TAS2R1: variants seen among roughly 807,000 people sequenced by gnomAD.
The protein encoded by TAS2R1 is taste 2 receptor member 1.
For synonymous variants in TAS2R1, 141 were observed against 134.2 expected (o/e 1.05, Z -0.35); for missense variants, 370 against 353.4 (o/e 1.05, Z -0.38).
chr5:9,707,186 G>A (rs1458493745), intron 1 of TAS2R1, among the ~76,000 whole-genome samples: 4 of 152,084 alleles, frequency 2.6e-5, no homozygotes, highest in East Asian at 1.9e-4. Context: ...CTGAAGGCTC[G>A]GGAAGGATTC....
the TAS2R1 span, among the ~76,000 whole-genome samples, chr5:9,794,196 A>C: frequency 7.7e-4 from 117 of 152,292 alleles, no homozygotes; most frequent in African/African-American, 2.6e-3. Flanking sequence ...TTGGGTTTTA[A>C]AATTTTTTAG....
the TAS2R1 span, among the ~76,000 whole-genome samples, chr5:9,824,175 C>A: frequency 6.6e-6 from 1 of 152,226 alleles, no homozygotes; most frequent in Non-Finnish European, 1.5e-5. Flanking sequence ...GCGCCTGACT[C>A]CCCTTAGTCA....
In TAS2R1 at chr5:9,629,727, G is replaced by A. The variant is rs553576885; in HGVS notation, c.306C>T (p.Phe102=). The A allele has an allele frequency of 1.7e-4, 277 of 1,613,868 alleles. No homozygotes were observed. Among genetic ancestry groups the A allele is most frequent in the Non-Finnish European group, 2.2e-4 (259 of 1,179,972 alleles). The change falls in exon 1 of 1, where the codon TTC becomes TTT. Residue 102 remains phenylalanine (F), a synonymous_variant. Transcript: ENST00000382492. ...GGACGCTGGCAACCTTGGCACAATA[G>A]AAAACGCCGAGCCATGTGGCAAGCC... ...ELWLATWLGV[F]YCAKVASVRH...
chr5:9,704,750 AAG>A (rs1201656372), intron 1 of TAS2R1, among the ~76,000 whole-genome samples: 2 of 152,220 alleles, frequency 1.3e-5, no homozygotes, highest in Non-Finnish European at 2.9e-5. Flanking sequence ...GCTAAAGATT[AAG>A]AATTTTAATA....
the TAS2R1 span, among the ~76,000 whole-genome samples, chr5:9,789,851 T>C: frequency 2.0e-5 from 3 of 152,156 alleles, no homozygotes; most frequent in East Asian, 5.8e-4. Context: ...GCAACAAGTA[T>C]ATTGCAACAA....
the TAS2R1 span, among the ~76,000 whole-genome samples, chr5:9,857,287 A>G: frequency 0.025 from 3,871 of 152,338 alleles, 92 homozygotes; most frequent in Non-Finnish European, 0.032. Flanking sequence ...AATGCCTAGA[A>G]GAATTGCAAG....
intron 1 of TAS2R1, among the ~76,000 whole-genome samples, chr5:9,675,417 TTC>T (rs1264785596): frequency 6.4e-4 from 97 of 150,498 alleles, no homozygotes; most frequent in African/African-American, 2.3e-3. Context: ...TTTTTTCTTT[TTC>T]TTTTTTTTTT....
chr5:9,731,446 T>A, the TAS2R1 span, among the ~76,000 whole-genome samples: 82 of 148,660 alleles, frequency 5.5e-4, no homozygotes, highest in African/African-American at 1.8e-3. Flanking sequence ...TGAGGCCCCC[T>A]GGAGTCTGCC....
chr5:9,769,165 A>C, the TAS2R1 span, among the ~76,000 whole-genome samples: 1 of 152,148 alleles, frequency 6.6e-6, no homozygotes, highest in African/African-American at 2.4e-5. Flanking sequence ...ATAAGTGAGA[A>C]CTTATTTGTC....
chr5:9,707,798 A>C (rs2126530681), intron 1 of TAS2R1, among the ~76,000 whole-genome samples: 1 of 152,096 alleles, frequency 6.6e-6, no homozygotes, highest in Middle Eastern at 3.4e-3. Flanking sequence ...TCAGGGAGGG[A>C]GGTGGTGCGA....
chr5:9,790,192 T>C, the TAS2R1 span, among the ~76,000 whole-genome samples: 2 of 152,226 alleles, frequency 1.3e-5, no homozygotes, highest in Non-Finnish European at 2.9e-5. Context: ...AAGCCTTCGA[T>C]GGTCACTTTG....
intron 2 of TAS2R1, among the ~76,000 whole-genome samples, chr5:9,647,074 A>G (rs1740204281): frequency 6.6e-6 from 1 of 152,126 alleles, no homozygotes; most frequent in Non-Finnish European, 1.5e-5. Flanking sequence ...TATGGCATGA[A>G]TCTCACTGAC....
intron 2 of TAS2R1, among the ~76,000 whole-genome samples, chr5:9,641,664 C>T (rs946267983): frequency 1.2e-4 from 18 of 152,222 alleles, no homozygotes; most frequent in Non-Finnish European, 2.4e-4. Context: ...GAATCTACTG[C>T]ATCAATCAAG....
chr5:9,814,767 A>G, the TAS2R1 span, among the ~76,000 whole-genome samples: 2 of 151,568 alleles, frequency 1.3e-5, no homozygotes, highest in East Asian at 1.9e-4. Flanking sequence ...GATCTGTCAG[A>G]AAAAAAAAGT....
At chr5:9,850,925 GA>G in the TAS2R1 span, among the ~76,000 whole-genome samples, 1 of 152,222 alleles carries the variant, frequency 6.6e-6, no homozygotes, top group African/African-American at 2.4e-5. Context: ...GTGGGAGGGG[GA>G]GAATGAGAAA....
chr5:9,660,208 G>A (rs1476750168), intron 1 of TAS2R1, among the ~76,000 whole-genome samples: 12 of 146,460 alleles, frequency 8.2e-5, no homozygotes, highest in African/African-American at 2.0e-4. Context: ...ACAGGAGCCC[G>A]CCACCGCTCC....
At chr5:9,715,127 C>T (rs927920074), upstream of TAS2R1, among the ~76,000 whole-genome samples, 1 of 152,194 alleles carries the variant, frequency 6.6e-6, no homozygotes, top group South Asian at 2.1e-4. Flanking sequence ...CACCTTGCTC[C>T]CCAGCACAGC....
At chr5:9,796,727 AAAAAAAAAAAAAG>A in the TAS2R1 span, among the ~76,000 whole-genome samples, 1 of 95,342 alleles carries the variant, frequency 1.0e-5, no homozygotes, top group Admixed American at 9.8e-5. Flanking sequence ...TCTGGAAAAA[AAAAAAAAAAAAAG>A]AAAAGAAAAA....
At chr5:9,782,435 C>T in the TAS2R1 span, among the ~76,000 whole-genome samples, 625 of 86,502 alleles carry the variant, frequency 7.2e-3, 5 homozygotes, top group African/African-American at 0.027. Flanking sequence ...CTGATTTCCC[C>T]TGGGTGGGCA....
Sources: allele counts gnomAD v4.1 joint callset (sites outside exome capture counted in the v4.1 genomes callset), GRCh38; gene constraint gnomAD v4.1.1; transcripts MANE v1.5; gene names NCBI Gene and HGNC (gene_info 2026-07-23, HGNC 2026-07-21).